Variants in CDH13 observed in about 807,000 individuals in gnomAD.
CDH13 encodes cadherin 13.
Under a neutral mutation model 63.8 loss-of-function variants are expected in CDH13, and 24 were observed. The observed-to-expected ratio is 0.38, with a 90% CI of 0.27 to 0.53. CDH13 has a LOEUF of 0.53. CDH13 is among the 20% of genes least tolerant of loss of function. The pLI is 0.85. For missense variants in CDH13, 1,049 were observed against 903.1 expected (o/e 1.16, Z -2.07); for synonymous variants, 503 against 355.3 (o/e 1.42, Z -4.67).
intron 5 of CDH13, among the ~76,000 whole-genome samples, chr16:83,253,008 G>A (rs920464895): frequency 6.6e-6 from 1 of 152,100 alleles, no homozygotes; most frequent in Admixed American, 6.6e-5. Flanking sequence ...AGGGTACTAA[G>A]AGAATTGAGG....
At chr16:83,444,740 A>G (rs1234517404) in intron 6 of CDH13, among the ~76,000 whole-genome samples, 2 of 102,710 alleles carry the variant, frequency 1.9e-5, no homozygotes, top group Non-Finnish European at 2.3e-5. Context: ...TGCTGAAACC[A>G]GCTTAAATCT....
At chr16:83,239,090 T>C (rs1465449296) in intron 5 of CDH13, among the ~76,000 whole-genome samples, 3 of 152,222 alleles carry the variant, frequency 2.0e-5, no homozygotes, top group Non-Finnish European at 4.4e-5. Flanking sequence ...GGACTGATGC[T>C]CTACTTCCTA....
intron 6 of CDH13, among the ~76,000 whole-genome samples, chr16:83,460,995 G>A (rs8057185): frequency 0.45 from 66,633 of 147,796 alleles, 15,239 homozygotes; most frequent in Middle Eastern, 0.54. Flanking sequence ...ACACACACAC[G>A]CACACACACA....
rs1490933478 is a variant in CDH13, at chr16:83,408,047, A to T, written c.781+63041A>T. Among the ~76,000 whole-genome samples, 4 of 152,242 alleles carry T rather than the reference A, an allele frequency of 2.6e-5. 1 individual carries two copies. Among genetic ancestry groups the T allele is most frequent in the Admixed American group, 2.6e-4 (4 of 15,294 alleles). ...TAATGGAGCGGCTGTGTCTCCTCCC[A>T]GCAGCAGTGGCACCAGAAGATTTAG... On this transcript the variant is annotated intron_variant, in intron 6 of 13. Coordinates refer to ENST00000567109, the MANE Select transcript of CDH13 (RefSeq NM_001257.5).
chr16:82,995,094 C>T (rs1486151333), intron 2 of CDH13, among the ~76,000 whole-genome samples: 1 of 152,150 alleles, frequency 6.6e-6, no homozygotes, highest in Non-Finnish European at 1.5e-5. Context: ...ATCTTTATTC[C>T]CGTCATTTTA....
chr16:82,802,073 C>G (rs1214817460), intron 1 of CDH13, among the ~76,000 whole-genome samples: 1 of 151,242 alleles, frequency 6.6e-6, no homozygotes, highest in Non-Finnish European at 1.5e-5. Flanking sequence ...AGAGCTGTGC[C>G]CCACTGGGGC....
chr16:82,729,626 C>T (rs1384396015), intron 1 of CDH13, among the ~76,000 whole-genome samples: 1 of 152,040 alleles, frequency 6.6e-6, no homozygotes, highest in Admixed American at 6.6e-5. Context: ...TTATTTAGGG[C>T]CCTAGGATTT....
intron 4 of CDH13, among the ~76,000 whole-genome samples, chr16:83,169,712 C>T (rs1273924050): frequency 2.0e-5 from 3 of 151,948 alleles, no homozygotes; most frequent in Non-Finnish European, 4.4e-5. Context: ...ATGTTTGTTG[C>T]CTTTCTTTTA....
chr16:83,232,209 C>CTTTTT lies in CDH13; in HGVS notation c.636+14726_636+14730dup, dbSNP rs1555516431. ...GTACCCTTGAAATTAAAAGTGTTTT[C>CTTTTT]TTTTTTTTTTTTTTTTTTAAAAAAA... On this transcript the variant is annotated intron_variant, in intron 5 of 13. Coordinates refer to ENST00000567109, the MANE Select transcript of CDH13 (RefSeq NM_001257.5). Among the ~76,000 whole-genome samples the CTTTTT allele has an allele frequency of 9.3e-3, 641 of 68,848 alleles. 16 individuals are homozygous for CTTTTT. The highest frequency in any genetic ancestry group is 0.026 in the African/African-American group (411 of 15,918). 45.2% of individuals were successfully genotyped at this position (68,848 alleles called of 152,430 possible). A position where few individuals can be genotyped will look rare whatever the true frequency, so the allele number is the denominator to read the frequency against.
chr16:83,257,873 A>G (rs1253218631), intron 5 of CDH13, among the ~76,000 whole-genome samples: 2 of 152,198 alleles, frequency 1.3e-5, no homozygotes, highest in African/African-American at 4.8e-5. Flanking sequence ...AAACTCATTT[A>G]CACTTCCACC....
intron 6 of CDH13, among the ~76,000 whole-genome samples, chr16:83,376,898 C>G (rs58073090): frequency 0.3 from 46,018 of 151,978 alleles, 7,158 homozygotes; most frequent in South Asian, 0.38. Context: ...AACGTTCACT[C>G]TGATAGAAGC....
chr16:82,923,370 A>G (rs1772304265), intron 2 of CDH13, among the ~76,000 whole-genome samples: 1 of 152,222 alleles, frequency 6.6e-6, no homozygotes, highest in African/African-American at 2.4e-5. Context: ...AGGGTTCAGT[A>G]CATAAGCATA....
At chr16:83,547,943 A>C (rs1213457163) in intron 7 of CDH13, among the ~76,000 whole-genome samples, 1 of 152,204 alleles carries the variant, frequency 6.6e-6, no homozygotes. Context: ...AGGCAGACCA[A>C]GACTGGGTTC....
In CDH13 at chr16:83,396,505, C is replaced by G. The variant is rs567867496; in HGVS notation, c.781+51499C>G. ...ACCTCCTTCCTTTAAAACCCTTCTC[C>G]TCTTTTTTGTATCATAATGACCTTA... is the stretch of plus-strand genomic sequence containing the variant. On this transcript the variant is annotated intron_variant, in intron 6 of 13. Coordinates refer to ENST00000567109, the MANE Select transcript of CDH13 (RefSeq NM_001257.5). The G allele has an allele frequency of 8.5e-4, 129 of 152,168 alleles. 1 individual carries two copies. The highest frequency in any genetic ancestry group is 3.0e-3 in the African/African-American group (125 of 41,528). The allele number at this position is 152,168 out of a possible 1,614,324, so 9.4% of individuals were successfully genotyped here.
chr16:83,464,210 C>G (rs1234973787), intron 6 of CDH13, among the ~76,000 whole-genome samples: 1 of 150,646 alleles, frequency 6.6e-6, no homozygotes. Context: ...CAGGCACACA[C>G]CACTATGTCC....
chr16:83,524,704 G>A (rs907683686), intron 7 of CDH13, among the ~76,000 whole-genome samples: 1 of 151,924 alleles, frequency 6.6e-6, no homozygotes, highest in African/African-American at 2.4e-5. Context: ...CGCCCGCCTC[G>A]GCCTTCCAAA....
At chr16:83,531,123 C>T (rs551279194) in intron 7 of CDH13, among the ~76,000 whole-genome samples, 1 of 152,200 alleles carries the variant, frequency 6.6e-6, no homozygotes, top group African/African-American at 2.4e-5. Flanking sequence ...CAACTGCCAC[C>T]ACCATGGTAG....
chr16:82,704,187 T>C (rs1379132795), intron 1 of CDH13, among the ~76,000 whole-genome samples: 5 of 152,112 alleles, frequency 3.3e-5, no homozygotes, highest in African/African-American at 1.2e-4. Context: ...TGTAGTCTTG[T>C]GGAAGCAATC....
chr16:83,636,846 G>T (rs998798792), intron 8 of CDH13, among the ~76,000 whole-genome samples: 1 of 152,140 alleles, frequency 6.6e-6, no homozygotes, highest in Non-Finnish European at 1.5e-5. Flanking sequence ...ACTGCTCTCC[G>T]CAATGGCTGA....
Sources: allele counts gnomAD v4.1 joint callset (sites outside exome capture counted in the v4.1 genomes callset), GRCh38; gene constraint gnomAD v4.1.1; transcripts MANE v1.5; gene names NCBI Gene and HGNC (gene_info 2026-07-23, HGNC 2026-07-21).